Variants in PRRG4 observed in about 807,000 individuals in gnomAD.
PRRG4 encodes the protein transmembrane gamma-carboxyglutamic acid protein 4.
Under a neutral mutation model 20.0 loss-of-function variants are expected in PRRG4, and 12 were observed. That is an observed-to-expected ratio of 0.60 (90% CI 0.38 to 0.97). The LOEUF is 0.97. Among genes scored for constraint, PRRG4 ranks in the 50% least tolerant of loss-of-function variants. PRRG4 has a pLI of 0.00. For missense variants in PRRG4, 199 were observed against 265.1 expected, an observed-to-expected ratio of 0.75 and a Z score of 1.73; for synonymous variants, 94 against 96.4, an observed-to-expected ratio of 0.98 and a Z score of 0.15.
At position 32,853,285 on chromosome 11, in the gene PRRG4, T is replaced by G; in HGVS notation, c.450-11T>G. ...ACCTTTCCTAGACCTAAATGTTGTC[T>G]CTCTGCTTAGCTCTTCAGCCGTCTA... On this transcript the variant is annotated splice_polypyrimidine_tract_variant and intron_variant, in intron 5 of 5. Coordinates refer to ENST00000257836, the MANE Select transcript of PRRG4 (RefSeq NM_024081.6). 1.2e-6 allele frequency: 2 copies of G among 1,603,678 alleles called. No homozygotes were observed. The highest frequency in any genetic ancestry group is 1.7e-6 in the Non-Finnish European group (2 of 1,170,606).
At chr11:32,845,473 TA>T (rs896987182) in intron 5 of PRRG4, among the ~76,000 whole-genome samples, 1 of 150,444 alleles carries the variant, frequency 6.6e-6, no homozygotes. Flanking sequence ...AAAATAAAAA[TA>T]AAAAAAAATC....
At chr11:32,834,410 C>T (rs1851001417) in intron 2 of PRRG4, among the ~76,000 whole-genome samples, 1 of 152,134 alleles carries the variant, frequency 6.6e-6, no homozygotes, top group Non-Finnish European at 1.5e-5. Flanking sequence ...TATTTCATCA[C>T]ACTAGCCCCT....
rs868398363 is a variant in PRRG4 at position 32,842,289 on chromosome 11, C to T, written c.449+2050C>T. ...CCTTGATTTTTTTAAGATCTTTCCTCATCTAAAAGAGGAATGAAAGGAATA... is the reference window on the plus strand; with the variant it reads ...CCTTGATTTTTTTAAGATCTTTCCTTATCTAAAAGAGGAATGAAAGGAATA... On this transcript the variant is annotated intron_variant, in intron 5 of 5. Coordinates refer to ENST00000257836, the MANE Select transcript of PRRG4 (RefSeq NM_024081.6). Among the ~76,000 whole-genome samples, 34 of 152,192 alleles carry T rather than the reference C, an allele frequency of 2.2e-4. 1 individual carries two copies. Among genetic ancestry groups the T allele is most frequent in the Middle Eastern group, 3.4e-3 (1 of 292 alleles).
intron 5 of PRRG4, among the ~76,000 whole-genome samples, chr11:32,846,316 C>CAGAG (rs1358653971): frequency 1.3e-5 from 2 of 152,152 alleles, no homozygotes; most frequent in East Asian, 3.9e-4. Flanking sequence ...AGCCCTTGAC[C>CAGAG]AGAGATTTAA....
At chr11:32,835,360 C>T (rs1005081820) in intron 2 of PRRG4, among the ~76,000 whole-genome samples, 2 of 152,222 alleles carry the variant, frequency 1.3e-5, no homozygotes, top group African/African-American at 4.8e-5. Context: ...TACATTCTTT[C>T]TTTAGAAATG....
intron 2 of PRRG4, among the ~76,000 whole-genome samples, chr11:32,831,573 G>A (rs1034460003): frequency 2.0e-5 from 3 of 152,216 alleles, no homozygotes; most frequent in African/African-American, 7.2e-5. Flanking sequence ...TAGAGAGAGA[G>A]GGAGAGATTT....
upstream of PRRG4, chr11:32,829,896 AG>A (rs1453346041): frequency 1.0e-6 from 1 of 985,370 alleles, no homozygotes; most frequent in East Asian, 1.1e-4. Context: ...GGGCGCGGCC[AG>A]GTGTCCCCAG....
At chr11:32,848,791 G>A (rs1851153786) in intron 5 of PRRG4, among the ~76,000 whole-genome samples, 1 of 151,884 alleles carries the variant, frequency 6.6e-6, no homozygotes, top group Non-Finnish European at 1.5e-5. Context: ...AGCCAACATG[G>A]TGAAATCCCA....
intron 5 of PRRG4, among the ~76,000 whole-genome samples, chr11:32,843,419 T>G (rs1219637436): frequency 6.6e-6 from 1 of 151,910 alleles, no homozygotes; most frequent in Non-Finnish European, 1.5e-5. Flanking sequence ...TCCAGATTTT[T>G]TTCTATGCAT....
rs1412171878 is a variant in PRRG4 at position 32,857,484 on chromosome 11, A to G, written c.*3957A>G. 2 of 152,220 alleles carry G rather than the reference A, an allele frequency of 1.3e-5. No individual in the cohort carries two copies. The highest frequency in any genetic ancestry group is 4.8e-5 in the African/African-American group (2 of 41,460). 9.4% of individuals were successfully genotyped at this position (152,220 alleles called of 1,614,324 possible). ...TGCATCTTTTAATGCCCTCTGAACA[A>G]ATACATAGAGAAAACTCTCAGAACA... On this transcript the variant is annotated 3_prime_UTR_variant, in exon 6 of 6. Coordinates refer to ENST00000257836, the MANE Select transcript of PRRG4 (RefSeq NM_024081.6).
intron 1 of PRRG4, 44 bp downstream of exon 1, chr11:32,830,217 T>G (rs1286460929): frequency 1.9e-6 from 2 of 1,075,536 alleles, no homozygotes; most frequent in African/African-American, 1.6e-5. Context: ...GGGGGTTACC[T>G]GGAAGGGGCC....
rs1850960828 is a variant in PRRG4, at chr11:32,830,622, G to A, written c.93G>A (p.Ala31=). The A allele has an allele frequency of 2.5e-6, 4 of 1,613,860 alleles. No individual in the cohort carries two copies. Among genetic ancestry groups the A allele is most frequent in the African/African-American group, 1.3e-5 (1 of 74,998 alleles). The part of the protein sequence containing the change: ...CARGPKASKH[A]GEEVFTSKEE... ...GAGGTCCAAAGGCTTCTAAGCATGC[G>A]GGAGAAGAAGGTAAGCACTAAAACG... is the stretch of plus-strand genomic sequence containing the variant. Residue 31 remains alanine (A), a synonymous_variant, in exon 2 of 6, where the codon GCG becomes GCA. Transcript: ENST00000257836.
chr11:32,842,395 T>A (rs1851087212), intron 5 of PRRG4, among the ~76,000 whole-genome samples: 1 of 152,160 alleles, frequency 6.6e-6, no homozygotes, highest in Non-Finnish European at 1.5e-5. Flanking sequence ...TTGATTATAT[T>A]GTCAGAATTA....
At chr11:32,852,204 C>T (rs538281722) in intron 5 of PRRG4, among the ~76,000 whole-genome samples, 2 of 152,260 alleles carry the variant, frequency 1.3e-5, no homozygotes, top group East Asian at 3.9e-4. Context: ...GGGCTGAGAA[C>T]TTACTGCCCA....
chr11:32,856,454 G>A lies in PRRG4; in HGVS notation c.*2927G>A, dbSNP rs557718550. The A allele has an allele frequency of 3.9e-5, 6 of 152,302 alleles. No individual in the cohort carries two copies. The highest frequency in any genetic ancestry group is 1.4e-4 in the African/African-American group (6 of 41,570). The allele number at this position is 152,302 out of a possible 1,614,324, so 9.4% of individuals were successfully genotyped here. The stretch of plus-strand genomic sequence containing the variant: ...TTGACAAATGCTTATAATGATTGAA[G>A]GGAAAGTATCTCAACATTGTATCAG... On this transcript the variant is annotated 3_prime_UTR_variant, in exon 6 of 6. Transcript: ENST00000257836.
In PRRG4 at chr11:32,830,166, G is replaced by A. The variant is rs1198018731; in HGVS notation, c.-30G>A. The A allele has an allele frequency of 4.0e-5, 41 of 1,028,298 alleles. No homozygotes were observed. The highest frequency in any genetic ancestry group is 4.7e-5 in the Non-Finnish European group (40 of 858,676). 63.7% of individuals were successfully genotyped at this position (1,028,298 alleles called of 1,614,324 possible). On this transcript the variant is annotated 5_prime_UTR_variant, in exon 1 of 6. Transcript: ENST00000257836. ...GGGGGCTGCTGGAACATGTGCGGGGGGACACAGGTACGAGGCCTGGCGGCA... is the reference window on the plus strand; with the variant it reads ...GGGGGCTGCTGGAACATGTGCGGGGAGACACAGGTACGAGGCCTGGCGGCA...
chr11:32,848,601 T>G (rs989180245), intron 5 of PRRG4, among the ~76,000 whole-genome samples: 1 of 151,292 alleles, frequency 6.6e-6, no homozygotes, highest in African/African-American at 2.4e-5. Context: ...GTATATAATA[T>G]GTGTATATGT....
In PRRG4 at chr11:32,852,171, G is replaced by A. The variant is rs770796292; in HGVS notation, c.450-1125G>A. 1.2e-4 allele frequency among the ~76,000 whole-genome samples: 19 copies of A among 152,254 alleles called. 1 individual carries two copies. Among genetic ancestry groups the A allele is most frequent in the African/African-American group, 4.6e-4 (19 of 41,546 alleles). On this transcript the variant is annotated intron_variant, in intron 5 of 5. Coordinates refer to ENST00000257836, the MANE Select transcript of PRRG4 (RefSeq NM_024081.6). ...AAGATGATATTTGGAGAAAGGGAAC[G>A]ATACTAGTGAAAGCACAGAGAAGGG... is the stretch of plus-strand genomic sequence containing the variant.
intron 3 of PRRG4, among the ~76,000 whole-genome samples, chr11:32,837,531 TGATGATG>T (rs1565113815): frequency 6.9e-4 from 76 of 109,998 alleles, no homozygotes; most frequent in South Asian, 2.1e-3. Context: ...ATGATGATGA[TGATGATG>T]ATGATTATTA....
Sources: gnomAD v4.1 joint callset for allele counts (sites outside exome capture counted in the v4.1 genomes callset) on GRCh38, gnomAD v4.1.1 for gene constraint, MANE v1.5 for transcripts, NCBI Gene and HGNC (gene_info 2026-07-23, HGNC 2026-07-21) for gene names.